Variants in NAT1 observed in about 807,000 individuals in gnomAD.
The protein encoded by NAT1 is arylamine N-acetyltransferase 1.
For missense variants in NAT1, 400 were observed against 339.2 expected (o/e 1.18, Z -1.41); for synonymous variants, 144 against 122.6 (o/e 1.17, Z -1.16).
chr8:18,194,796 G>A (rs890964487), intron 2 of NAT1, among the ~76,000 whole-genome samples: 1 of 149,704 alleles, frequency 6.7e-6, no homozygotes, highest in African/African-American at 2.5e-5. Context: ...TCCAGCCTGG[G>A]CAACAGAGTG....
chr8:18,176,603 G>GTTTGTTTTTT (rs1554466832), intron 2 of NAT1, among the ~76,000 whole-genome samples: 5 of 150,146 alleles, frequency 3.3e-5, no homozygotes, highest in East Asian at 3.9e-4. Flanking sequence ...TTTTTGTTTT[G>GTTTGTTTTTT]TTTTGTTTTT....
intron 2 of NAT1, among the ~76,000 whole-genome samples, chr8:18,177,805 A>G (rs1488424710): frequency 2.6e-5 from 4 of 152,146 alleles, no homozygotes; most frequent in Non-Finnish European, 5.9e-5. Context: ...ATCGTTGTCC[A>G]GGAGAATCCA....
chr8:18,211,320 C>T (rs1804079188), intron 1 of NAT1: 1 of 152,402 alleles, frequency 6.6e-6, no homozygotes, highest in African/African-American at 2.4e-5. Context: ...CTCCCATGCC[C>T]TGACATGAGG....
At chr8:18,179,265 T>G (rs754298799) in intron 2 of NAT1, among the ~76,000 whole-genome samples, 12 of 152,170 alleles carry the variant, frequency 7.9e-5, no homozygotes, top group Non-Finnish European at 1.8e-4. Context: ...AATGTGGTAA[T>G]ACTACATAAT....
At chr8:18,193,934 C>G (rs1222790351) in intron 2 of NAT1, among the ~76,000 whole-genome samples, 1 of 152,150 alleles carries the variant, frequency 6.6e-6, no homozygotes, top group Non-Finnish European at 1.5e-5. Flanking sequence ...AGCCACCACA[C>G]CCGGCCTAAA....
At chr8:18,180,153 T>C (rs1802455414) in intron 2 of NAT1, among the ~76,000 whole-genome samples, 2 of 152,186 alleles carry the variant, frequency 1.3e-5, no homozygotes, top group East Asian at 1.9e-4. Flanking sequence ...CCAAAAATCA[T>C]TGAGGACCAC....
intron 2 of NAT1, among the ~76,000 whole-genome samples, chr8:18,202,694 C>T (rs1803516518): frequency 6.6e-6 from 1 of 152,242 alleles, no homozygotes; most frequent in South Asian, 2.1e-4. Context: ...TTCGTGGTCT[C>T]GCTGACTTCA....
intron 2 of NAT1, among the ~76,000 whole-genome samples, chr8:18,179,473 C>A (rs1802425282): frequency 6.6e-6 from 1 of 152,108 alleles, no homozygotes; most frequent in African/African-American, 2.4e-5. Flanking sequence ...ATCACCTTCA[C>A]TTTTTTCCAC....
upstream of NAT1, among the ~76,000 whole-genome samples, chr8:18,205,947 A>T (rs535975358): frequency 6.6e-6 from 1 of 152,146 alleles, no homozygotes; most frequent in African/African-American, 2.4e-5. Flanking sequence ...TTCAGGACTG[A>T]CAGTTCTCCA....
At chr8:18,183,575 A>G (rs1458294401) in intron 2 of NAT1, among the ~76,000 whole-genome samples, 1 of 152,200 alleles carries the variant, frequency 6.6e-6, no homozygotes, top group Non-Finnish European at 1.5e-5. Flanking sequence ...AGGAGTCAGA[A>G]GAATCTTCCT....
At chr8:18,180,712 C>G (rs1778770464) in intron 2 of NAT1, among the ~76,000 whole-genome samples, 1 of 151,988 alleles carries the variant, frequency 6.6e-6, no homozygotes, top group African/African-American at 2.4e-5. Context: ...ACACTAAATA[C>G]CCTTATTTGG....
intron 2 of NAT1, among the ~76,000 whole-genome samples, chr8:18,185,766 C>T (rs570792153): frequency 6.6e-5 from 10 of 152,038 alleles, no homozygotes; most frequent in South Asian, 4.2e-4. Context: ...ACTTTTCTTA[C>T]GTATGCTTAA....
At chr8:18,219,528 T>A in intron 2 of NAT1, 39 bp downstream of exon 2, 1 of 1,189,242 alleles carries the variant, frequency 8.4e-7, no homozygotes, top group Non-Finnish European at 1.2e-6. Flanking sequence ...GTGGGCTTCC[T>A]AAGCACGTTC....
At chr8:18,193,539 A>T (rs1223098720) in intron 2 of NAT1, among the ~76,000 whole-genome samples, 3 of 147,342 alleles carry the variant, frequency 2.0e-5, no homozygotes, top group Non-Finnish European at 4.5e-5. Context: ...CTTTTCAAAA[A>T]CATACAGAAC....
chr8:18,191,391 C>G (rs1802985140), intron 2 of NAT1, among the ~76,000 whole-genome samples: 1 of 152,088 alleles, frequency 6.6e-6, no homozygotes, highest in South Asian at 2.1e-4. Context: ...GTTTCTTTTT[C>G]TAAGATTTTT....
At chr8:18,212,177 C>G (rs1449275325) in intron 1 of NAT1, 2 of 152,192 alleles carry the variant, frequency 1.3e-5, no homozygotes, top group African/African-American at 4.8e-5. Flanking sequence ...GCATATCAAC[C>G]TGCTCTCCAG....
At chr8:18,176,397 T>A (rs1802294903) in intron 2 of NAT1, among the ~76,000 whole-genome samples, 1 of 152,152 alleles carries the variant, frequency 6.6e-6, no homozygotes, top group Non-Finnish European at 1.5e-5. Flanking sequence ...TTGAGTTGAC[T>A]TCTGCATATG....
At chr8:18,179,571 A>T (rs1263369711) in intron 2 of NAT1, among the ~76,000 whole-genome samples, 1 of 152,194 alleles carries the variant, frequency 6.6e-6, no homozygotes, top group African/African-American at 2.4e-5. Flanking sequence ...AAAGAAGGGC[A>T]GAACTGATTT....
chr8:18,204,527 G>A (rs1429440449), intron 2 of NAT1, among the ~76,000 whole-genome samples: 1 of 150,938 alleles, frequency 6.6e-6, no homozygotes, highest in African/African-American at 2.4e-5. Context: ...ATAAGTTTAA[G>A]TTTATATACT....
Sources: allele counts gnomAD v4.1 joint callset (sites outside exome capture counted in the v4.1 genomes callset), GRCh38; gene constraint gnomAD v4.1.1; transcripts MANE v1.5; gene names NCBI Gene and HGNC (gene_info 2026-07-23, HGNC 2026-07-21).